KLRF2: variants seen among roughly 807,000 people sequenced by gnomAD.
KLRF2 encodes the protein killer cell lectin like receptor F2.
In KLRF2, 28 loss-of-function variants were observed where a neutral mutation model predicts 25.3. The ratio of observed to expected loss-of-function variants is 1.11; its 90% CI spans 0.82 to 1.52. The LOEUF (loss-of-function observed/expected upper bound fraction) is 1.52, where lower values mean the gene tolerates loss of function less well. Ranked by LOEUF, KLRF2 falls within the 40% of genes most tolerant of loss-of-function variation. The pLI, the probability that KLRF2 is intolerant of heterozygous loss-of-function variation, is 0.00. For synonymous variants in KLRF2, 73 were observed against 85.0 expected (o/e 0.86, Z 0.78); for missense variants, 265 against 245.8 (o/e 1.08, Z -0.52).
intron 3 of KLRF2, among the ~76,000 whole-genome samples, chr12:9,890,357 T>A (rs903710429): frequency 2.0e-5 from 3 of 152,200 alleles, no homozygotes; most frequent in Non-Finnish European, 2.9e-5. Context: ...TCACAGGCAA[T>A]GCAGTGTAGA....
intron 3 of KLRF2, among the ~76,000 whole-genome samples, chr12:9,891,349 T>C (rs959294842): frequency 2.0e-5 from 3 of 152,224 alleles, no homozygotes; most frequent in African/African-American, 7.2e-5. Context: ...GGGACTTAAA[T>C]CTGAGTTACC....
chr12:9,890,427 G>T (rs1358934324), intron 3 of KLRF2, among the ~76,000 whole-genome samples: 1 of 152,068 alleles, frequency 6.6e-6, no homozygotes, highest in East Asian at 1.9e-4. Flanking sequence ...TCTCTCTTAC[G>T]GTGTTGGCAC....
At chr12:9,893,999 C>T (rs1862720287) in intron 5 of KLRF2, among the ~76,000 whole-genome samples, 1 of 152,046 alleles carries the variant, frequency 6.6e-6, no homozygotes, top group Non-Finnish European at 1.5e-5. Flanking sequence ...TTCAACTAAA[C>T]TTGTTGATAT....
At chr12:9,892,371 AG>A (rs967426355) in intron 3 of KLRF2, among the ~76,000 whole-genome samples, 5 of 152,298 alleles carry the variant, frequency 3.3e-5, no homozygotes, top group African/African-American at 1.2e-4. Context: ...GAAATGTCAA[AG>A]GAATTAGAAC....
chr12:9,887,236 C>T (rs146332905), intron 2 of KLRF2, among the ~76,000 whole-genome samples: 6 of 151,794 alleles, frequency 4.0e-5, no homozygotes, highest in African/African-American at 1.2e-4. Flanking sequence ...CCACTAAGTT[C>T]GGAACAGAAT....
At chr12:9,888,572 T>C (rs1862634355) in intron 2 of KLRF2, among the ~76,000 whole-genome samples, 161 bp from the exon 3 acceptor site, 1 of 152,112 alleles carries the variant, frequency 6.6e-6, no homozygotes, top group Admixed American at 6.5e-5. Flanking sequence ...TGGCGAAACG[T>C]AGTTAAATCT....
At chr12:9,884,171 GA>G (rs1868124893) in intron 1 of KLRF2, among the ~76,000 whole-genome samples, 1 of 151,988 alleles carries the variant, frequency 6.6e-6, no homozygotes, top group Non-Finnish European at 1.5e-5. Context: ...AGATAAAATT[GA>G]AAGAGGATTA....
chr12:9,888,665 T>C, intron 2 of KLRF2, 68 bp from the exon 3 acceptor site: 1 of 878,900 alleles, frequency 1.1e-6, no homozygotes, highest in African/African-American at 1.6e-5. Context: ...TGGTACTTTA[T>C]TCTCATGTAC....
chr12:9,889,638 G>GTA (rs201890745), intron 3 of KLRF2, among the ~76,000 whole-genome samples: 19 of 144,064 alleles, frequency 1.3e-4, no homozygotes, highest in African/African-American at 2.5e-4. Context: ...CTCTATATGT[G>GTA]TATATATATG....
intron 1 of KLRF2, among the ~76,000 whole-genome samples, chr12:9,883,091 T>C (rs1044976310): frequency 6.6e-6 from 1 of 152,208 alleles, no homozygotes; most frequent in Non-Finnish European, 1.5e-5. Flanking sequence ...GAAAAATTAC[T>C]GTAGGCATGT....
chr12:9,892,752 T>C (rs554606176), intron 3 of KLRF2, among the ~76,000 whole-genome samples: 14 of 151,870 alleles, frequency 9.2e-5, no homozygotes, highest in African/African-American at 3.1e-4. Flanking sequence ...GCCTGGCTAA[T>C]TTTGTATTTT....
chr12:9,893,947 G>T (rs1862719945), intron 5 of KLRF2, among the ~76,000 whole-genome samples: 1 of 152,102 alleles, frequency 6.6e-6, no homozygotes, highest in Admixed American at 6.5e-5. Context: ...GTCTGGAGTT[G>T]AAATCAGAAA....
At chr12:9,894,596 C>A (rs868565952) in intron 5 of KLRF2, among the ~76,000 whole-genome samples, 2 of 152,112 alleles carry the variant, frequency 1.3e-5, no homozygotes, top group African/African-American at 2.4e-5. Flanking sequence ...TGAAGGGTCA[C>A]GTTTAGACAT....
chr12:9,892,916 ATG>A, intron 3 of KLRF2, 102 bp from the exon 4 acceptor site: 1 of 1,064,342 alleles, frequency 9.4e-7, no homozygotes, highest in Non-Finnish European at 1.3e-6. Flanking sequence ...AAAAAAAAAA[ATG>A]AGTTGGAAAA....
At chr12:9,885,357 C>A (rs2136995216) in intron 2 of KLRF2, among the ~76,000 whole-genome samples, 1 of 151,014 alleles carries the variant, frequency 6.6e-6, no homozygotes, top group South Asian at 2.1e-4. Flanking sequence ...ATATTAAGAC[C>A]CATCTGAAAA....
rs111726483 is a variant in KLRF2 at position 9,887,777 on chromosome 12, C to T, written c.170-956C>T. 8.0e-3 allele frequency among the ~76,000 whole-genome samples: 1,155 copies of T among 145,224 alleles called. 14 individuals carry two copies. Among genetic ancestry groups the T allele is most frequent in the African/African-American group, 0.028 (1,108 of 39,224 alleles). Reference sequence around the variant, plus strand: ...AAGGGAAAATAAGATCAAGACTAGGCGTTGGAGCTCATGCCTGTAATCCCA... The same window carrying T: ...AAGGGAAAATAAGATCAAGACTAGGTGTTGGAGCTCATGCCTGTAATCCCA... On this transcript the variant is annotated intron_variant, in intron 2 of 5. Coordinates refer to ENST00000535540, the MANE Select transcript of KLRF2 (RefSeq NM_001190765.1).
chr12:9,894,126 T>TTCTCTCTCTC (rs141327204), intron 5 of KLRF2, among the ~76,000 whole-genome samples: 2,712 of 130,212 alleles, frequency 0.021, 39 homozygotes, highest in Middle Eastern at 0.026. Flanking sequence ...TTTCTTTTCT[T>TTCTCTCTCTC]TCTCTCTCTC....
At chr12:9,891,522 A>C (rs969284284) in intron 3 of KLRF2, among the ~76,000 whole-genome samples, 2 of 152,204 alleles carry the variant, frequency 1.3e-5, no homozygotes, top group African/African-American at 4.8e-5. Context: ...ATTTCATCCA[A>C]GTGGCACATT....
intron 1 of KLRF2, among the ~76,000 whole-genome samples, chr12:9,882,828 T>G (rs1565520532): frequency 6.6e-6 from 1 of 152,102 alleles, no homozygotes; most frequent in Non-Finnish European, 1.5e-5. Flanking sequence ...ACAGACTAAA[T>G]GTATGGCTCT....
Sources: allele counts gnomAD v4.1 joint callset (sites outside exome capture counted in the v4.1 genomes callset), GRCh38; gene constraint gnomAD v4.1.1; transcripts MANE v1.5; gene names NCBI Gene and HGNC (gene_info 2026-07-23, HGNC 2026-07-21).